The following GPR39 variants were observed in gnomAD, a reference collection of about 807,000 sequenced individuals.
GPR39 encodes the protein zinc sensing receptor.
A neutral mutation model predicts 18.4 loss-of-function variants in GPR39; 23 were observed. The ratio of observed to expected loss-of-function variants is 1.25; its 90% CI spans 0.90 to 1.77. GPR39 has a LOEUF of 1.77. Among genes scored for constraint, GPR39 ranks in the 40% most tolerant of loss-of-function variants. GPR39 has a pLI of 0.00. For synonymous variants in GPR39, 280 were observed against 257.9 expected (o/e 1.09, Z -0.82); for missense variants, 647 against 602.4 (o/e 1.07, Z -0.78).
At chr2:132,587,104 A>C (rs1309790851) in intron 1 of GPR39, among the ~76,000 whole-genome samples, 3 of 152,242 alleles carry the variant, frequency 2.0e-5, no homozygotes. Flanking sequence ...TAAAGACTGC[A>C]TTGAAAAGCT....
chr2:132,615,050 C>A, intron 1 of GPR39, among the ~76,000 whole-genome samples: 1 of 152,220 alleles, frequency 6.6e-6, no homozygotes, highest in Non-Finnish European at 1.5e-5. Context: ...TGTTCGTTTG[C>A]TGCCTCCCCC....
rs992476082 is a variant in GPR39, at chr2:132,417,836, A to G, written c.794A>G (p.Gln265Arg). The G allele has an allele frequency of 6.2e-7, 1 of 1,613,178 alleles. No homozygotes were observed. Among genetic ancestry groups the G allele is most frequent in the Non-Finnish European group, 8.5e-7 (1 of 1,180,008 alleles). The stretch of plus-strand genomic sequence containing the variant: ...CTGGCCGGGGGCACGCGGCCTCCGC[A>G]GCTGAGGAAGTCCGAGAGCGAAGAG... ...GSLAGGTRPP[Q>R]LRKSESEESR... Residue 265 changes from glutamine (Q) to arginine (R), a missense_variant, in exon 1 of 2, where the codon CAG becomes CGG. By Grantham distance (43) the Gln-to-Arg change is conservative. Coordinates refer to ENST00000329321, the MANE Select transcript of GPR39 (RefSeq NM_001508.3).
intron 1 of GPR39, among the ~76,000 whole-genome samples, chr2:132,564,937 C>T (rs1007347561): frequency 6.6e-6 from 1 of 150,686 alleles, no homozygotes; most frequent in Non-Finnish European, 1.5e-5. Flanking sequence ...CTGCCACAGC[C>T]TCTTGAGTAG....
intron 1 of GPR39, among the ~76,000 whole-genome samples, chr2:132,485,679 A>G (rs1681322488): frequency 6.6e-6 from 1 of 152,216 alleles, no homozygotes; most frequent in Admixed American, 6.5e-5. Flanking sequence ...TCAAGTTTGA[A>G]TGAGATTGTG....
chr2:132,550,987 G>A (rs1383456446), intron 1 of GPR39, among the ~76,000 whole-genome samples: 1 of 152,108 alleles, frequency 6.6e-6, no homozygotes, highest in Non-Finnish European at 1.5e-5. Context: ...AGCACTGATG[G>A]CATTTTCTGT....
chr2:132,600,964 C>T (rs2104840853), intron 1 of GPR39, among the ~76,000 whole-genome samples: 1 of 152,294 alleles, frequency 6.6e-6, no homozygotes, highest in Middle Eastern at 3.4e-3. Context: ...TCCTCTGCAT[C>T]TCCAGTGTCC....
chr2:132,417,473 A>G lies in GPR39; in HGVS notation c.431A>G (p.Lys144Arg), dbSNP rs1679927398. 4 of 1,614,026 alleles carry G rather than the reference A, an allele frequency of 2.5e-6. No individual in the cohort carries two copies. The highest frequency in any genetic ancestry group is 3.4e-6 in the Non-Finnish European group (4 of 1,180,030). The change falls in exon 1 of 2, where the codon AAG (lysine) becomes AGG (arginine). Residue 144 changes from lysine (K) to arginine (R), a missense_variant. Coordinates refer to ENST00000329321, the MANE Select transcript of GPR39 (RefSeq NM_001508.3). ...YIAICHPFRY[K>R]AVSGPCQVKL... ...GCCATCTGTCACCCCTTCAGGTACA[A>G]GGCTGTGTCGGGACCTTGCCAGGTG...
At chr2:132,632,294 C>T (rs1409577410) in intron 1 of GPR39, among the ~76,000 whole-genome samples, 1 of 152,116 alleles carries the variant, frequency 6.6e-6, no homozygotes. Context: ...TAGCTTCTCT[C>T]TTAGCAACAG....
intron 1 of GPR39, among the ~76,000 whole-genome samples, chr2:132,522,983 C>T (rs556701422): frequency 7.2e-4 from 110 of 151,928 alleles, no homozygotes; most frequent in Admixed American, 5.2e-3. Context: ...CCCTGGGGGA[C>T]GAGGCCCACC....
intron 1 of GPR39, among the ~76,000 whole-genome samples, chr2:132,422,797 G>A (rs757224613): frequency 6.6e-6 from 1 of 151,792 alleles, no homozygotes; most frequent in Admixed American, 6.6e-5. Flanking sequence ...TTATAATCAG[G>A]CTGTCTCAAA....
chr2:132,591,282 A>C (rs1156823039), intron 1 of GPR39, among the ~76,000 whole-genome samples: 5 of 148,490 alleles, frequency 3.4e-5, no homozygotes, highest in African/African-American at 1.3e-4. Context: ...AAAAAACAAA[A>C]AAAAACAGAG....
At chr2:132,585,130 A>T (rs1680701532) in intron 1 of GPR39, among the ~76,000 whole-genome samples, 1 of 151,946 alleles carries the variant, frequency 6.6e-6, no homozygotes, top group Admixed American at 6.6e-5. Flanking sequence ...CACTCCCTCA[A>T]CCTCACAGAG....
chr2:132,543,733 T>G (rs181278656), intron 1 of GPR39, among the ~76,000 whole-genome samples: 158 of 152,294 alleles, frequency 1.0e-3, no homozygotes, highest in Middle Eastern at 0.01. Flanking sequence ...GGATCTTTGT[T>G]ACTGAACTGA....
At chr2:132,623,094 A>G (rs1388652574) in intron 1 of GPR39, among the ~76,000 whole-genome samples, 1 of 152,196 alleles carries the variant, frequency 6.6e-6, no homozygotes, top group Non-Finnish European at 1.5e-5. Context: ...CCTGGGTGAC[A>G]AAGCGAGACT....
At chr2:132,577,419 TCAA>T (rs1405212092) in intron 1 of GPR39, among the ~76,000 whole-genome samples, 3 of 152,184 alleles carry the variant, frequency 2.0e-5, no homozygotes, top group African/African-American at 7.2e-5. Flanking sequence ...CTTATCTATA[TCAA>T]CAACAACTCT....
chr2:132,607,580 C>T (rs959863890), intron 1 of GPR39, among the ~76,000 whole-genome samples: 3 of 152,116 alleles, frequency 2.0e-5, no homozygotes, highest in East Asian at 3.9e-4. Context: ...TTATCTTTGA[C>T]GTCTGACACC....
chr2:132,616,349 C>G (rs1471698188), intron 1 of GPR39, among the ~76,000 whole-genome samples: 1 of 152,142 alleles, frequency 6.6e-6, no homozygotes, highest in African/African-American at 2.4e-5. Context: ...ATCCTATATT[C>G]ATTGAGCTGC....
intron 1 of GPR39, among the ~76,000 whole-genome samples, chr2:132,444,954 C>T (rs939433833): frequency 2.0e-5 from 3 of 152,096 alleles, no homozygotes; most frequent in African/African-American, 7.2e-5. Context: ...TCCTAAGAGC[C>T]AGATAAGATA....
chr2:132,640,187 G>A (rs1681835031), intron 1 of GPR39, among the ~76,000 whole-genome samples: 2 of 152,172 alleles, frequency 1.3e-5, no homozygotes, highest in Admixed American at 1.3e-4. Flanking sequence ...ATAGAGCATG[G>A]TGTCAGATAC....
Sources: gnomAD v4.1 joint callset for allele counts (sites outside exome capture counted in the v4.1 genomes callset) on GRCh38, gnomAD v4.1.1 for gene constraint, MANE v1.5 for transcripts, NCBI Gene and HGNC (gene_info 2026-07-23, HGNC 2026-07-21) for gene names.